The following NUP214 variants were observed in gnomAD, a reference collection of about 807,000 sequenced individuals.
NUP214 encodes the protein nucleoporin 214, also known as nuclear pore complex protein Nup214.
A neutral mutation model predicts 196.2 loss-of-function variants in NUP214; 79 were observed. That is an observed-to-expected ratio of 0.40 (90% CI 0.34 to 0.49). NUP214 has a LOEUF of 0.49. Among genes scored for constraint, NUP214 ranks in the 20% least tolerant of loss-of-function variants. The probability of loss-of-function intolerance (pLI) is 0.58; values close to 1 mark genes in which losing one functional copy is unlikely to be tolerated. For synonymous variants in NUP214, 1,020 were observed against 990.5 expected (o/e 1.03, Z -0.56); for missense variants, 2,468 against 2,539.0 (o/e 0.97, Z 0.60).
chr9:131,217,017 C>T (rs1834419691), intron 31 of NUP214, among the ~76,000 whole-genome samples: 1 of 152,128 alleles, frequency 6.6e-6, no homozygotes, highest in South Asian at 2.1e-4. Flanking sequence ...GTGAGATCTC[C>T]ATGAATCATG....
chr9:131,212,997 A>G (rs1416202194), intron 30 of NUP214, among the ~76,000 whole-genome samples: 1 of 150,974 alleles, frequency 6.6e-6, no homozygotes, highest in Non-Finnish European at 1.5e-5. Flanking sequence ...ATAATTTTGT[A>G]GTTTTTAGAT....
chr9:131,130,138 TTTTTTTTTTTTTG>T, intron 4 of NUP214, among the ~76,000 whole-genome samples: 1 of 8,338 alleles, frequency 1.2e-4, no homozygotes, highest in Admixed American at 2.8e-3. Flanking sequence ...TCTGGTTTTG[TTTTTTTTTTTTTG>T]TTTTTTTTTT....
Position 131,137,957 on chromosome 9 carries a change from T to C in NUP214, c.1006-1324T>C, listed in dbSNP as rs539014855. On this transcript the variant is annotated intron_variant, in intron 9 of 35. Coordinates refer to ENST00000359428, the MANE Select transcript of NUP214 (RefSeq NM_005085.4). ...TATCTGCGTCTTCTCTTTTGTAAAA[T>C]TGCATTCTGTCCTACAATGATAAGT... 8.0e-4 allele frequency among the ~76,000 whole-genome samples: 122 copies of C among 152,296 alleles called. 4 individuals carry two copies. In the South Asian group the frequency reaches 0.024, roughly 30 times the overall value.
chr9:131,194,919 C>G (rs1038674146), intron 27 of NUP214, among the ~76,000 whole-genome samples: 1 of 152,208 alleles, frequency 6.6e-6, no homozygotes, highest in African/African-American at 2.4e-5. Flanking sequence ...TGTCATGTGT[C>G]TCTACTGCTG....
chr9:131,154,516 G>A (rs1041025495), intron 17 of NUP214, among the ~76,000 whole-genome samples: 2 of 152,186 alleles, frequency 1.3e-5, no homozygotes, highest in Admixed American at 1.3e-4. Context: ...GTGCAGTGGC[G>A]TGATCTTGGC....
rs1265865997 is a variant in NUP214 at position 131,197,489 on chromosome 9, G to A, written c.3995G>A (p.Gly1332Glu). The A allele has an allele frequency of 6.2e-7, 1 of 1,614,054 alleles. No homozygotes were observed. Among genetic ancestry groups the A allele is most frequent in the Admixed American group, 1.7e-5 (1 of 59,988 alleles). ...AGTTCTTTGGCTGGAGAGACTCTGG[G>A]AAGTTTTTCAGGACTGCGGGTTGGC... Reference protein sequence around the residue: ...FPSSLAGETLGSFSGLRVGQA... With the variant: ...FPSSLAGETLESFSGLRVGQA... The change falls in exon 29 of 36, where the codon GGA becomes GAA. Residue 1332 changes from glycine to glutamate, a missense_variant. By Grantham distance (98) the Gly-to-Glu change is moderately conservative. Transcript: ENST00000359428.
At chr9:131,208,911 G>A (rs147811329) in intron 30 of NUP214, among the ~76,000 whole-genome samples, 146 of 150,918 alleles carry the variant, frequency 9.7e-4, no homozygotes, top group African/African-American at 3.5e-3. Context: ...TACTTGGGAG[G>A]CTGAGGCAGG....
intron 21 of NUP214, among the ~76,000 whole-genome samples, chr9:131,167,838 C>T (rs927306628): frequency 2.0e-5 from 3 of 152,118 alleles, no homozygotes; most frequent in African/African-American, 7.2e-5. Context: ...CAGATACTCA[C>T]TTTGCCTTTT....
rs200377608 is a variant in NUP214, at chr9:131,139,255, CTTTTTTTTTTT to C, written c.1006-13_1006-3del. 12 of 1,090,524 alleles carry C rather than the reference CTTTTTTTTTTT, an allele frequency of 1.1e-5. No homozygotes were observed. Among genetic ancestry groups the C allele is most frequent in the South Asian group, 8.4e-5 (4 of 47,624 alleles). 67.6% of individuals were successfully genotyped at this position (1,090,524 alleles called of 1,614,324 possible). A position where few individuals can be genotyped will look rare whatever the true frequency, so the allele number is the denominator to read the frequency against. ...CTTTTTCTTTTTTCTTCTTCTTCTT[CTTTTTTTTTTT>C]TTTTTTTTTTTTAGATTAATTGGGA... On this transcript the variant is annotated splice_polypyrimidine_tract_variant and intron_variant, in intron 9 of 35. Transcript: ENST00000359428.
At chr9:131,128,565 T>TAGGTTAACCCTTGAC in intron 3 of NUP214, 82 bp downstream of exon 3, 1 of 1,242,062 alleles carries the variant, frequency 8.1e-7, no homozygotes, top group Non-Finnish European at 1.1e-6. Flanking sequence ...GGAAGCTTCA[T>TAGGTTAACCCTTGAC]AGGTTAACCC....
intron 24 of NUP214, chr9:131,187,052 T>C (rs1833467623): frequency 2.1e-6 from 1 of 475,230 alleles, no homozygotes; most frequent in Non-Finnish European, 3.8e-6. Context: ...TTTCTTTGGA[T>C]TGCAGAAAGG....
At chr9:131,132,835 C>G in intron 6 of NUP214, 176 bp downstream of exon 6, 1 of 634,358 alleles carries the variant, frequency 1.6e-6, no homozygotes, top group South Asian at 2.0e-5. Context: ...TGGGTGACAT[C>G]TGTGTTTCAC....
intron 17 of NUP214, among the ~76,000 whole-genome samples, chr9:131,156,399 T>C (rs1832444901): frequency 6.6e-6 from 1 of 152,004 alleles, no homozygotes; most frequent in African/African-American, 2.4e-5. Flanking sequence ...CCCAAAGTGC[T>C]GGGATTACAA....
In NUP214 at chr9:131,187,497, G is replaced by A. The variant is rs543881815; in HGVS notation, c.3495+133G>A. ...TGCCTCCTGGGTTCAAGTGATTCTC[G>A]TGGCTCAGCCTCCTGAGTAGTTGGG... On this transcript the variant is annotated intron_variant, in intron 25 of 35. Coordinates refer to ENST00000359428, the MANE Select transcript of NUP214 (RefSeq NM_005085.4). 82 of 639,432 alleles carry A rather than the reference G, an allele frequency of 1.3e-4. 1 individual carries two copies. The highest frequency in any genetic ancestry group is 1.2e-3 in the African/African-American group (62 of 52,874). 39.6% of individuals were successfully genotyped at this position (639,432 alleles called of 1,614,324 possible).
At chr9:131,134,336 T>C (rs1178628386) in intron 7 of NUP214, among the ~76,000 whole-genome samples, 1 of 152,190 alleles carries the variant, frequency 6.6e-6, no homozygotes, top group Non-Finnish European at 1.5e-5. Context: ...TAGGGATAGA[T>C]GATGACTGGT....
At chr9:131,128,506 T>A in intron 3 of NUP214, 23 bp downstream of exon 3, 1 of 1,588,002 alleles carries the variant, frequency 6.3e-7, no homozygotes, top group Non-Finnish European at 8.6e-7. Context: ...TATACTGTGA[T>A]GTCAACATGA....
intron 24 of NUP214, among the ~76,000 whole-genome samples, chr9:131,182,216 C>T (rs1453897783): frequency 1.3e-5 from 2 of 152,190 alleles, no homozygotes; most frequent in Non-Finnish European, 2.9e-5. Context: ...TATTTTACCA[C>T]AATAAACAAA....
intron 28 of NUP214, chr9:131,195,529 T>G: frequency 2.2e-6 from 1 of 455,478 alleles, no homozygotes; most frequent in South Asian, 3.6e-5. Flanking sequence ...AAATCAGGGC[T>G]GTGCTTTAAC....
At chr9:131,165,114 G>A (rs1353133114) in intron 21 of NUP214, 1 of 152,124 alleles carries the variant, frequency 6.6e-6, no homozygotes, top group Non-Finnish European at 1.5e-5. Flanking sequence ...GGAAAAATAT[G>A]GAAAGTATAA....
Sources: gnomAD v4.1 joint callset for allele counts (sites outside exome capture counted in the v4.1 genomes callset) on GRCh38, gnomAD v4.1.1 for gene constraint, MANE v1.5 for transcripts, NCBI Gene and HGNC (gene_info 2026-07-23, HGNC 2026-07-21) for gene names.